ADAM22: variants seen among roughly 807,000 people sequenced by gnomAD.
The protein encoded by ADAM22 is disintegrin and metalloproteinase domain-containing protein 22.
ADAM22 carries 65 observed loss-of-function variants against 144.6 expected under a neutral mutation model. The ratio of observed to expected loss-of-function variants is 0.45; its 90% CI spans 0.37 to 0.55. ADAM22 has a LOEUF of 0.55. Ranked by LOEUF, ADAM22 falls within the 20% of genes least tolerant of loss-of-function variation. The probability of loss-of-function intolerance (pLI) is 0.00; values close to 1 mark genes in which losing one functional copy is unlikely to be tolerated. For synonymous variants in ADAM22, 391 were observed against 412.6 expected, an observed-to-expected ratio of 0.95 and a Z score of 0.63; for missense variants, 974 against 1,184.9, an observed-to-expected ratio of 0.82 and a Z score of 2.61.
At chr7:88,045,890 G>A (rs374313850) in intron 3 of ADAM22, among the ~76,000 whole-genome samples, 4 of 60,572 alleles carry the variant, frequency 6.6e-5, no homozygotes, top group Non-Finnish European at 1.1e-4. Flanking sequence ...GTATTCTATT[G>A]TGTGTGTGTG....
At chr7:88,177,719 T>C (rs1351110126) in intron 26 of ADAM22, among the ~76,000 whole-genome samples, 3 of 152,174 alleles carry the variant, frequency 2.0e-5, no homozygotes, top group African/African-American at 7.2e-5. Flanking sequence ...TGACCAAGTA[T>C]TTTAAACATT....
chr7:88,167,449 A>G (rs1843209720), intron 24 of ADAM22, among the ~76,000 whole-genome samples: 1 of 152,036 alleles, frequency 6.6e-6, no homozygotes, highest in Non-Finnish European at 1.5e-5. Flanking sequence ...CTGAGCTTCA[A>G]TCCCGCCCTG....
chr7:87,943,704 A>G (rs1345917672), intron 2 of ADAM22, among the ~76,000 whole-genome samples: 1 of 152,186 alleles, frequency 6.6e-6, no homozygotes, highest in East Asian at 1.9e-4. Context: ...TTGTACCATG[A>G]TCCAGAAATA....
intron 20 of ADAM22, among the ~76,000 whole-genome samples, chr7:88,152,265 T>TA (rs1434950405): frequency 7.2e-5 from 11 of 152,308 alleles, no homozygotes; most frequent in Admixed American, 6.5e-4. Context: ...TTGTTTTTTT[T>TA]AAAAATATAC....
intron 7 of ADAM22, among the ~76,000 whole-genome samples, chr7:88,124,678 C>G (rs1277454136): frequency 1.3e-5 from 2 of 151,856 alleles, no homozygotes; most frequent in Non-Finnish European, 2.9e-5. Context: ...AGAACTTATT[C>G]CCTTTCTCAA....
At chr7:88,012,488 G>T (rs907200160) in intron 3 of ADAM22, among the ~76,000 whole-genome samples, 4 of 152,160 alleles carry the variant, frequency 2.6e-5, no homozygotes, top group Admixed American at 2.6e-4. Context: ...TGTTAATCTG[G>T]CTAGTTGTGC....
Position 88,196,635 on chromosome 7 carries a change from T to A in ADAM22, c.*144T>A, listed in dbSNP as rs1850720338. 2.4e-6 allele frequency: 2 copies of A among 846,894 alleles called. No homozygotes were observed. The highest frequency in any genetic ancestry group is 3.4e-5 in the African/African-American group (2 of 59,030). 52.5% of individuals were successfully genotyped at this position (846,894 alleles called of 1,614,324 possible). ...ATGCTACAGAGGAGAGGAAGCGGAG[T>A]TTCACATCTGGTTACCATTTTCTTT... On this transcript the variant is annotated 3_prime_UTR_variant, in exon 32 of 32. Transcript: ENST00000413139.
At chr7:88,076,290 G>A (rs143401086) in intron 4 of ADAM22, among the ~76,000 whole-genome samples, 4 of 152,172 alleles carry the variant, frequency 2.6e-5, no homozygotes, top group African/African-American at 4.8e-5. Context: ...CACCCGCTCC[G>A]GCCTCCCAAA....
intron 14 of ADAM22, among the ~76,000 whole-genome samples, chr7:88,137,913 A>G (rs142133328): frequency 0.038 from 5,857 of 152,192 alleles, 144 homozygotes; most frequent in South Asian, 0.074. Flanking sequence ...CATCACTTTG[A>G]GAGGCTGAGG....
In ADAM22 at chr7:88,049,821, T is replaced by C. The variant is rs368800170; in HGVS notation, c.324-25805T>C. Among the ~76,000 whole-genome samples, 7 of 151,952 alleles carry C rather than the reference T, an allele frequency of 4.6e-5. No individual in the cohort carries two copies. In the South Asian group the frequency reaches 1.5e-3, roughly 32 times the overall value. On this transcript the variant is annotated intron_variant, in intron 3 of 31. Transcript: ENST00000413139. ...GTTAGTGAATGGTATATAGATTCTT[T>C]TTTATTTTTGGTCAGCAGATGTTAT...
chr7:87,954,057 C>T (rs1324232005), intron 2 of ADAM22, among the ~76,000 whole-genome samples: 1 of 152,042 alleles, frequency 6.6e-6, no homozygotes, highest in Non-Finnish European at 1.5e-5. Context: ...AGATGGGTTT[C>T]CTGAATACAG....
At chr7:88,113,724 A>ATAT (rs1554478863) in intron 5 of ADAM22, among the ~76,000 whole-genome samples, 48 of 118,962 alleles carry the variant, frequency 4.0e-4, no homozygotes, top group African/African-American at 1.6e-3. Flanking sequence ...ATATATATAT[A>ATAT]TATATATATA....
chr7:88,005,901 A>T (rs981811310), intron 3 of ADAM22, among the ~76,000 whole-genome samples: 2 of 152,316 alleles, frequency 1.3e-5, no homozygotes, highest in East Asian at 3.9e-4. Context: ...AAACCTACAT[A>T]TATAACATAA....
chr7:88,107,207 T>TC (rs1476581628), intron 4 of ADAM22, among the ~76,000 whole-genome samples: 1 of 142,668 alleles, frequency 7.0e-6, no homozygotes, highest in Admixed American at 6.9e-5. Context: ...TCTTTTTTTT[T>TC]TTTTTTTTTT....
At chr7:87,936,963 A>G (rs2131179753) in intron 2 of ADAM22, among the ~76,000 whole-genome samples, 1 of 151,864 alleles carries the variant, frequency 6.6e-6, no homozygotes, top group African/African-American at 2.4e-5. Context: ...TAGTTTATTT[A>G]TTTATTTTTT....
rs78934168 is a variant in ADAM22, at chr7:88,165,580, A to AT, written c.2077-242dup. ...GAAAGTCAAAACAATAATTTCTTTG[A>AT]TTTTTTTTTTAGATGTAGATCAATT... On this transcript the variant is annotated intron_variant, in intron 23 of 31. Transcript: ENST00000413139. Among the ~76,000 whole-genome samples the AT allele has an allele frequency of 4.5e-3, 677 of 149,590 alleles. 7 individuals are homozygous for AT. Among genetic ancestry groups the AT allele is most frequent in the African/African-American group, 0.015 (625 of 40,850 alleles).
rs1049593365 is a variant in ADAM22 at position 88,081,527 on chromosome 7, A to G, written c.390+5835A>G. The stretch of plus-strand genomic sequence containing the variant: ...AGGAGAAGGAAATAAAGGGCATTCA[A>G]TTAGGAAAAGAGGAAGTCAAATTGT... On this transcript the variant is annotated intron_variant, in intron 4 of 31. Coordinates refer to ENST00000413139, the MANE Select transcript of ADAM22 (RefSeq NM_001324418.2). 8.9e-3 allele frequency among the ~76,000 whole-genome samples: 1,355 copies of G among 152,146 alleles called. 23 individuals carry two copies. The highest frequency in any genetic ancestry group is 0.031 in the African/African-American group (1,296 of 41,466).
At chr7:87,939,976 T>C (rs958926631) in intron 2 of ADAM22, among the ~76,000 whole-genome samples, 2 of 151,912 alleles carry the variant, frequency 1.3e-5, no homozygotes, top group Non-Finnish European at 2.9e-5. Context: ...GGTGGATCAT[T>C]TGAGGTCAGG....
intron 4 of ADAM22, chr7:88,090,030 C>T (rs576726427): frequency 6.6e-6 from 1 of 152,234 alleles, no homozygotes; most frequent in East Asian, 1.9e-4. Flanking sequence ...TTTTGGTCTC[C>T]ATTTTGTCTG....
Sources: gnomAD v4.1 joint callset for allele counts (sites outside exome capture counted in the v4.1 genomes callset) on GRCh38, gnomAD v4.1.1 for gene constraint, MANE v1.5 for transcripts, NCBI Gene and HGNC (gene_info 2026-07-23, HGNC 2026-07-21) for gene names.